MBD5: variants seen among roughly 807,000 people sequenced by gnomAD.
MBD5 encodes the protein methyl-CpG-binding domain protein 5.
MBD5 carries 13 observed loss-of-function variants against 117.3 expected under a neutral mutation model. The observed-to-expected ratio is 0.11, with a 90% CI of 0.07 to 0.18. The LOEUF is 0.18. MBD5 is among the 10% of genes least tolerant of loss of function. MBD5 has a pLI of 1.00. For synonymous variants in MBD5, 727 were observed against 766.4 expected, an observed-to-expected ratio of 0.95 and a Z score of 0.85; for missense variants, 1,879 against 2,093.8, an observed-to-expected ratio of 0.90 and a Z score of 2.00.
At chr2:148,410,664 C>A (rs939186003) in intron 4 of MBD5, among the ~76,000 whole-genome samples, 1 of 152,106 alleles carries the variant, frequency 6.6e-6, no homozygotes, top group Non-Finnish European at 1.5e-5. Context: ...CTCCTGAACT[C>A]CAAGTGATTC....
At chr2:148,213,102 C>T (rs1165039072) in intron 2 of MBD5, among the ~76,000 whole-genome samples, 1 of 152,130 alleles carries the variant, frequency 6.6e-6, no homozygotes, top group Non-Finnish European at 1.5e-5. Context: ...TGCCGTTTTT[C>T]TCTTGGCTTT....
At chr2:148,045,973 C>G (rs867475659) in intron 1 of MBD5, among the ~76,000 whole-genome samples, 16 of 132,278 alleles carry the variant, frequency 1.2e-4, no homozygotes, top group South Asian at 2.4e-4. Flanking sequence ...TAATGAAGTG[C>G]CTTTTTTTTT....
At chr2:148,343,538 C>CT in intron 4 of MBD5, among the ~76,000 whole-genome samples, 1 of 151,854 alleles carries the variant, frequency 6.6e-6, no homozygotes, top group Non-Finnish European at 1.5e-5. Context: ...ATAATAAGCA[C>CT]TTTTTCTTAT....
intron 4 of MBD5, among the ~76,000 whole-genome samples, chr2:148,404,347 G>A (rs1318861686): frequency 7.2e-6 from 1 of 138,098 alleles, no homozygotes; most frequent in Non-Finnish European, 1.5e-5. Context: ...CTATACCTAC[G>A]AGTTTGAATT....
At chr2:148,289,051 T>C (rs1701437246) in intron 3 of MBD5, among the ~76,000 whole-genome samples, 1 of 152,204 alleles carries the variant, frequency 6.6e-6, no homozygotes, top group Admixed American at 6.5e-5. Context: ...TTTATTTAAA[T>C]CTCATATGGT....
chr2:148,239,220 C>G (rs1700157939), intron 3 of MBD5, among the ~76,000 whole-genome samples: 1 of 152,100 alleles, frequency 6.6e-6, no homozygotes, highest in Non-Finnish European at 1.5e-5. Context: ...CATGTTTTGC[C>G]TAGTGATATC....
At chr2:148,363,972 T>C (rs1283149410) in intron 4 of MBD5, among the ~76,000 whole-genome samples, 1 of 152,070 alleles carries the variant, frequency 6.6e-6, no homozygotes, top group Non-Finnish European at 1.5e-5. Flanking sequence ...CGGGCCAACA[T>C]TCAAATTCAG....
At chr2:148,113,937 C>G (rs1574028490) in intron 1 of MBD5, among the ~76,000 whole-genome samples, 1 of 151,882 alleles carries the variant, frequency 6.6e-6, no homozygotes, top group Admixed American at 6.6e-5. Context: ...TTACCTGATT[C>G]TTTTCATCAA....
At chr2:148,467,984 C>T (rs1443234446) in intron 7 of MBD5, among the ~76,000 whole-genome samples, 1 of 152,136 alleles carries the variant, frequency 6.6e-6, no homozygotes, top group Non-Finnish European at 1.5e-5. Flanking sequence ...TCCATCTGGA[C>T]TGCCAGTCTT....
At chr2:148,383,044 A>G (rs1458792216) in intron 4 of MBD5, among the ~76,000 whole-genome samples, 1 of 151,976 alleles carries the variant, frequency 6.6e-6, no homozygotes, top group Non-Finnish European at 1.5e-5. Context: ...CAATTAAAAG[A>G]ACTAGAGAAG....
intron 8 of MBD5, among the ~76,000 whole-genome samples, chr2:148,474,033 C>T (rs903888692): frequency 3.3e-5 from 5 of 152,208 alleles, no homozygotes; most frequent in Admixed American, 2.6e-4. Context: ...CCCAAAGTTC[C>T]CAATTCTCAG....
At chr2:148,356,911 T>C (rs1403320737) in intron 4 of MBD5, among the ~76,000 whole-genome samples, 2 of 152,156 alleles carry the variant, frequency 1.3e-5, no homozygotes, top group South Asian at 4.1e-4. Flanking sequence ...TTTTTTTTAA[T>C]TCTGCTGTGA....
At chr2:148,329,129 A>G (rs1702561714) in intron 3 of MBD5, among the ~76,000 whole-genome samples, 1 of 152,194 alleles carries the variant, frequency 6.6e-6, no homozygotes, top group African/African-American at 2.4e-5. Context: ...CCCTTTACCT[A>G]AAGGATCCTA....
chr2:148,150,051 T>C (rs1303340754), intron 1 of MBD5, among the ~76,000 whole-genome samples: 3 of 122,362 alleles, frequency 2.5e-5, no homozygotes, highest in African/African-American at 9.2e-5. Flanking sequence ...CTAGGTTTTC[T>C]TCTAGGGTTT....
intron 1 of MBD5, among the ~76,000 whole-genome samples, chr2:148,095,481 G>A (rs1052667690): frequency 3.9e-5 from 6 of 152,056 alleles, no homozygotes; most frequent in Non-Finnish European, 8.8e-5. Context: ...AGTAAAAAGT[G>A]TATATGATTT....
intron 2 of MBD5, among the ~76,000 whole-genome samples, chr2:148,227,169 T>C (rs1456965087): frequency 1.3e-5 from 2 of 152,242 alleles, no homozygotes. Flanking sequence ...TTTGGTGTTT[T>C]AGACAGGAAG....
chr2:148,171,985 C>T (rs374182211), intron 1 of MBD5, among the ~76,000 whole-genome samples: 7 of 152,220 alleles, frequency 4.6e-5, no homozygotes, highest in East Asian at 3.8e-4. Flanking sequence ...CCAGCCTGGA[C>T]AGCATAGCAA....
At chr2:148,188,810 G>T (rs1312055575) in intron 2 of MBD5, among the ~76,000 whole-genome samples, 1 of 152,088 alleles carries the variant, frequency 6.6e-6, no homozygotes, top group Non-Finnish European at 1.5e-5. Context: ...GAGCGACGCA[G>T]AAGACGGGTG....
intron 2 of MBD5, among the ~76,000 whole-genome samples, chr2:148,217,478 A>G (rs1414617892): frequency 6.6e-6 from 1 of 152,192 alleles, no homozygotes; most frequent in East Asian, 1.9e-4. Context: ...TTGGGCTTTG[A>G]GCGCTGGGCA....
Sources: allele counts gnomAD v4.1 joint callset (sites outside exome capture counted in the v4.1 genomes callset), GRCh38; gene constraint gnomAD v4.1.1; transcripts MANE v1.5; gene names NCBI Gene and HGNC (gene_info 2026-07-23, HGNC 2026-07-21).